The following SKAP2 variants were observed in gnomAD, a reference collection of about 807,000 sequenced individuals.
SKAP2 encodes src kinase associated phosphoprotein 2.
A neutral mutation model predicts 54.9 loss-of-function variants in SKAP2; 28 were observed. The ratio of observed to expected loss-of-function variants is 0.51; its 90% CI spans 0.38 to 0.70. The LOEUF (loss-of-function observed/expected upper bound fraction) is 0.70. Ranked by LOEUF, SKAP2 falls within the 30% of genes least tolerant of loss-of-function variation. The pLI, the probability that SKAP2 is intolerant of heterozygous loss-of-function variation, is 0.00. For missense variants in SKAP2, 356 were observed against 424.1 expected (o/e 0.84, Z 1.41); for synonymous variants, 137 against 134.3 (o/e 1.02, Z -0.14).
At chr7:26,767,406 A>G (rs573764487) in intron 4 of SKAP2, among the ~76,000 whole-genome samples, 2 of 152,132 alleles carry the variant, frequency 1.3e-5, no homozygotes, top group South Asian at 4.2e-4. Flanking sequence ...TAATCTTTTC[A>G]AAAAACCAGT....
At chr7:26,775,285 A>G (rs1035616233) in intron 4 of SKAP2, among the ~76,000 whole-genome samples, 8 of 151,672 alleles carry the variant, frequency 5.3e-5, no homozygotes, top group Admixed American at 1.3e-4. Flanking sequence ...TAACTTTGCA[A>G]CTCCCTGGCT....
intron 4 of SKAP2, among the ~76,000 whole-genome samples, chr7:26,792,429 ATATATC>A (rs1219706113): frequency 6.6e-6 from 1 of 152,230 alleles, no homozygotes; most frequent in Non-Finnish European, 1.5e-5. Context: ...ACTCATTTCT[ATATATC>A]TCACATACAT....
intron 1 of SKAP2, among the ~76,000 whole-genome samples, chr7:26,855,645 CTCATAGCCTCTTTTTTTAATTTTAGTAA>C (rs1349074260): frequency 2.0e-5 from 3 of 152,046 alleles, no homozygotes; most frequent in Non-Finnish European, 4.4e-5. Flanking sequence ...GTAACATTCC[CTCATAGCCTCTTTTTTTAATTTTAGTAA>C]ACTTCTAAAT....
chr7:26,834,949 A>C (rs888957470), intron 4 of SKAP2, among the ~76,000 whole-genome samples: 9 of 152,242 alleles, frequency 5.9e-5, no homozygotes, highest in Admixed American at 2.0e-4. Flanking sequence ...ATCCTCAATG[A>C]AATACTGGCA....
At chr7:26,741,466 G>A (rs1447549180) in intron 4 of SKAP2, among the ~76,000 whole-genome samples, 2 of 151,960 alleles carry the variant, frequency 1.3e-5, no homozygotes, top group Admixed American at 1.3e-4. Flanking sequence ...GATCCCCCAA[G>A]AGGTCAAGGC....
intron 4 of SKAP2, among the ~76,000 whole-genome samples, chr7:26,830,457 C>T (rs1784574855): frequency 6.6e-6 from 1 of 151,918 alleles, no homozygotes; most frequent in Non-Finnish European, 1.5e-5. Context: ...AATCCTAGAC[C>T]CTACCCCTAA....
chr7:26,760,862 A>G (rs1222962140), intron 4 of SKAP2, among the ~76,000 whole-genome samples: 1 of 152,194 alleles, frequency 6.6e-6, no homozygotes, highest in East Asian at 1.9e-4. Flanking sequence ...GAACTGTCTG[A>G]CCAGAAGCCA....
intron 4 of SKAP2, among the ~76,000 whole-genome samples, chr7:26,790,947 G>T (rs1783661823): frequency 6.6e-6 from 1 of 152,078 alleles, no homozygotes; most frequent in South Asian, 2.1e-4. Flanking sequence ...ATTTTTAATA[G>T]TCAAATATGG....
chr7:26,718,022 TATAC>T (rs755874393), intron 9 of SKAP2, among the ~76,000 whole-genome samples: 5 of 151,720 alleles, frequency 3.3e-5, no homozygotes, highest in African/African-American at 4.8e-5. Context: ...ATTATATATA[TATAC>T]ATACATACAT....
At position 26,746,847 on chromosome 7, in the gene SKAP2, C is replaced by T. The variant is rs377426813; in HGVS notation, c.308-6883G>A. On this transcript the variant is annotated intron_variant, in intron 4 of 12. Transcript: ENST00000345317. ...TATCAAATGTGGAAATTGCTCACAA[C>T]ATATTTTTTGTAGAACAACTAGTAA... is the stretch of plus-strand genomic sequence containing the variant. Among the ~76,000 whole-genome samples, 130 of 152,178 alleles carry T rather than the reference C, an allele frequency of 8.5e-4. 1 individual carries two copies. The highest frequency in any genetic ancestry group is 2.9e-3 in the African/African-American group (122 of 41,526).
At chr7:26,718,780 A>G (rs190107687) in intron 9 of SKAP2, among the ~76,000 whole-genome samples, 1 of 152,286 alleles carries the variant, frequency 6.6e-6, no homozygotes, top group Non-Finnish European at 1.5e-5. Flanking sequence ...CTGGGATTAC[A>G]GGCATGCGCC....
At chr7:26,799,800 A>T (rs557187510) in intron 4 of SKAP2, among the ~76,000 whole-genome samples, 44 of 152,346 alleles carry the variant, frequency 2.9e-4, no homozygotes, top group African/African-American at 1.0e-3. Flanking sequence ...AGAATAGACC[A>T]TATGTCAGGT....
At chr7:26,836,836 G>C (rs1784722854) in intron 4 of SKAP2, among the ~76,000 whole-genome samples, 2 of 152,072 alleles carry the variant, frequency 1.3e-5, no homozygotes, top group African/African-American at 2.4e-5. Flanking sequence ...CCCAATACTG[G>C]GTGTATACCC....
At chr7:26,656,974 C>T in the SKAP2 span, among the ~76,000 whole-genome samples, 1 of 152,034 alleles carries the variant, frequency 6.6e-6, no homozygotes, top group African/African-American at 2.4e-5. Flanking sequence ...CTCCAGATCA[C>T]CCACTGAGAA....
At chr7:26,854,683 A>G (rs1200404297) in intron 2 of SKAP2, 102 bp downstream of exon 2, 2 of 1,189,860 alleles carry the variant, frequency 1.7e-6, no homozygotes, top group South Asian at 2.9e-5. Flanking sequence ...TTAAACTGGA[A>G]CATGAAAAAT....
At chr7:26,803,743 T>A (rs1484472546) in intron 4 of SKAP2, among the ~76,000 whole-genome samples, 1 of 152,098 alleles carries the variant, frequency 6.6e-6, no homozygotes, top group Non-Finnish European at 1.5e-5. Flanking sequence ...GATGACTGGA[T>A]AAAGAAAATG....
At chr7:26,783,075 T>C (rs1423515565) in intron 4 of SKAP2, among the ~76,000 whole-genome samples, 1 of 152,230 alleles carries the variant, frequency 6.6e-6, no homozygotes, top group African/African-American at 2.4e-5. Context: ...AGTATCTAAC[T>C]GCCCACACTG....
At chr7:26,847,445 T>C (rs1219873804) in intron 3 of SKAP2, among the ~76,000 whole-genome samples, 4 of 152,066 alleles carry the variant, frequency 2.6e-5, no homozygotes, top group Non-Finnish European at 5.9e-5. Flanking sequence ...GCAAAGCATT[T>C]TTCCTCCCCA....
chr7:26,702,608 G>GT (rs1787056143), intron 9 of SKAP2, among the ~76,000 whole-genome samples: 1 of 152,092 alleles, frequency 6.6e-6, no homozygotes, highest in Non-Finnish European at 1.5e-5. Flanking sequence ...CCCTGGTTCT[G>GT]TGTGTCCCAG....
Sources: allele counts gnomAD v4.1 joint callset (sites outside exome capture counted in the v4.1 genomes callset), GRCh38; gene constraint gnomAD v4.1.1; transcripts MANE v1.5; gene names NCBI Gene and HGNC (gene_info 2026-07-23, HGNC 2026-07-21).